The following DIP2B variants were observed in gnomAD, a reference collection of about 807,000 sequenced individuals.
DIP2B encodes DIP2 acetate--CoA ligase B (putative).
DIP2B carries 76 observed loss-of-function variants against 198.0 expected under a neutral mutation model. The observed-to-expected ratio is 0.38, with a 90% CI of 0.32 to 0.46. The LOEUF (loss-of-function observed/expected upper bound fraction) is 0.46, where lower values mean the gene tolerates loss of function less well. Ranked by LOEUF, DIP2B falls within the 20% of genes least tolerant of loss-of-function variation. The pLI is 0.99. For synonymous variants in DIP2B, 701 were observed against 739.1 expected (o/e 0.95, Z 0.84); for missense variants, 1,559 against 1,978.4 (o/e 0.79, Z 4.02).
intron 22 of DIP2B, among the ~76,000 whole-genome samples, chr12:50,710,256 T>C (rs1939591556): frequency 6.6e-6 from 1 of 152,154 alleles, no homozygotes; most frequent in Non-Finnish European, 1.5e-5. Flanking sequence ...AAGTGGATGG[T>C]CCAAAGAAAG....
intron 1 of DIP2B, among the ~76,000 whole-genome samples, chr12:50,516,756 C>T (rs575223761): frequency 2.0e-5 from 3 of 152,154 alleles, no homozygotes; most frequent in Admixed American, 6.5e-5. Context: ...GGGCGGATCA[C>T]CTGAGGTCAG....
intron 1 of DIP2B, among the ~76,000 whole-genome samples, chr12:50,603,498 G>GGAGGCCAAGGCGGGTGGATTGCTT (rs1346410712): frequency 1.3e-5 from 2 of 152,078 alleles, no homozygotes; most frequent in Non-Finnish European, 2.9e-5. Context: ...TAGCACTTTG[G>GGAGGCCAAGGCGGGTGGATTGCTT]GAGGCCAAGG....
At position 50,745,253 on chromosome 12, in the gene DIP2B, T is replaced by A. The variant is rs1940326559; in HGVS notation, c.*414T>A. 1 of 188,622 alleles carries A rather than the reference T, an allele frequency of 5.3e-6. No individual in the cohort carries two copies. Among genetic ancestry groups the A allele is most frequent in the African/African-American group, 2.4e-5 (1 of 42,438 alleles). 11.7% of individuals were successfully genotyped at this position (188,622 alleles called of 1,614,324 possible). A position where few individuals can be genotyped will look rare whatever the true frequency, so the allele number is the denominator to read the frequency against. ...ATTTTGCCATTCTGCCGTAGCTAGA[T>A]GTTCTGTGGGGTTTGTTAACATGGA... On this transcript the variant is annotated 3_prime_UTR_variant, in exon 38 of 38. Transcript: ENST00000301180.
intron 1 of DIP2B, among the ~76,000 whole-genome samples, chr12:50,543,304 AT>A (rs1958342977): frequency 7.0e-6 from 1 of 143,766 alleles, no homozygotes; most frequent in Admixed American, 6.9e-5. Context: ...TTTTTTATTT[AT>A]TTTTGAGACA....
At chr12:50,717,627 A>G (rs1237244639) in intron 23 of DIP2B, among the ~76,000 whole-genome samples, 1 of 151,726 alleles carries the variant, frequency 6.6e-6, no homozygotes, top group Non-Finnish European at 1.5e-5. Context: ...TCGGCCTCCC[A>G]AAGTACTGGG....
At chr12:50,546,713 C>CT (rs35186101) in intron 1 of DIP2B, among the ~76,000 whole-genome samples, 12 of 152,002 alleles carry the variant, frequency 7.9e-5, no homozygotes, top group East Asian at 1.9e-4. Context: ...AGTTCTGTCC[C>CT]TTTTTTTTGT....
At chr12:50,583,239 C>T (rs1400187962) in intron 1 of DIP2B, among the ~76,000 whole-genome samples, 1 of 152,126 alleles carries the variant, frequency 6.6e-6, no homozygotes, top group Non-Finnish European at 1.5e-5. Flanking sequence ...TTTCATGCTT[C>T]TCTGATAAAA....
intron 1 of DIP2B, among the ~76,000 whole-genome samples, chr12:50,601,352 TG>T (rs1958934924): frequency 6.6e-6 from 1 of 151,862 alleles, no homozygotes; most frequent in African/African-American, 2.4e-5. Context: ...TTTGTTTGTT[TG>T]TTTTTTTTTT....
intron 1 of DIP2B, among the ~76,000 whole-genome samples, chr12:50,600,846 TA>T (rs1195072362): frequency 6.6e-6 from 1 of 151,724 alleles, no homozygotes; most frequent in Non-Finnish European, 1.5e-5. Flanking sequence ...AAGATATCTG[TA>T]GGGCTGACTC....
intron 2 of DIP2B, among the ~76,000 whole-genome samples, chr12:50,638,738 A>G (rs1211830851): frequency 6.6e-6 from 1 of 152,128 alleles, no homozygotes. Context: ...GACATTACAT[A>G]TGCTGTTAAA....
At chr12:50,538,364 A>G (rs1273718620) in intron 1 of DIP2B, among the ~76,000 whole-genome samples, 1 of 152,196 alleles carries the variant, frequency 6.6e-6, no homozygotes, top group Non-Finnish European at 1.5e-5. Flanking sequence ...TGTGAGAGGA[A>G]TTAATGAAAC....
Position 50,724,786 on chromosome 12 carries a change from A to G in DIP2B, c.3300A>G (p.Ala1100=). ...CATTTGTTTTCTAGGTCAGCAAAGC[A>G]GCCTGTATTCTCACCAGTCAGACCC... ...TVRMIVDVSK[A]ACILTSQTLM... is the part of the protein sequence containing the mutation. The change falls in exon 28 of 38, where the codon GCA becomes GCG. Residue 1100 remains alanine, a synonymous_variant. Transcript: ENST00000301180. 6.2e-7 allele frequency: 1 copy of G among 1,614,136 alleles called. No individual in the cohort carries two copies. The highest frequency in any genetic ancestry group is 8.5e-7 in the Non-Finnish European group (1 of 1,180,000).
At chr12:50,737,689 G>A (rs1485162226) in intron 35 of DIP2B, among the ~76,000 whole-genome samples, 1 of 151,960 alleles carries the variant, frequency 6.6e-6, no homozygotes, top group African/African-American at 2.4e-5. Flanking sequence ...GGGTTCAAGT[G>A]ATTCTTGTGC....
intron 19 of DIP2B, 61 bp from the exon 20 acceptor site, chr12:50,704,079 A>T (rs1592135543): frequency 1.3e-6 from 2 of 1,481,670 alleles, no homozygotes; most frequent in East Asian, 4.6e-5. Context: ...AACTTTTTAA[A>T]AATCACATAT....
intron 14 of DIP2B, among the ~76,000 whole-genome samples, chr12:50,694,509 ATACATAC>A (rs1565873277): frequency 0.063 from 1,584 of 24,986 alleles, 29 homozygotes; most frequent in African/African-American, 0.13. Flanking sequence ...AAATAAATAC[ATACATAC>A]ATACATACAT....
intron 1 of DIP2B, among the ~76,000 whole-genome samples, chr12:50,520,109 C>T (rs1958103518): frequency 7.0e-6 from 1 of 141,998 alleles, no homozygotes; most frequent in African/African-American, 2.6e-5. Context: ...ATGATCTCGG[C>T]TCACTGCAGC....
intron 1 of DIP2B, among the ~76,000 whole-genome samples, chr12:50,520,652 G>A (rs1958109127): frequency 6.6e-6 from 1 of 152,098 alleles, no homozygotes; most frequent in Non-Finnish European, 1.5e-5. Context: ...TCTGAGCTCT[G>A]ATTTCTAATG....
At chr12:50,511,946 C>CAA (rs1294473966) in intron 1 of DIP2B, among the ~76,000 whole-genome samples, 355 of 26,340 alleles carry the variant, frequency 0.013, 15 homozygotes, top group African/African-American at 0.034. Context: ...GACTCCGTCT[C>CAA]AAAAAAAAAA....
intron 1 of DIP2B, among the ~76,000 whole-genome samples, chr12:50,510,383 A>G (rs1490036363): frequency 6.6e-6 from 1 of 152,236 alleles, no homozygotes; most frequent in Admixed American, 6.5e-5. Flanking sequence ...TGGATTTTTG[A>G]ATAAGATAAA....
Sources: gnomAD v4.1 joint callset for allele counts (sites outside exome capture counted in the v4.1 genomes callset) on GRCh38, gnomAD v4.1.1 for gene constraint, MANE v1.5 for transcripts, NCBI Gene and HGNC (gene_info 2026-07-23, HGNC 2026-07-21) for gene names.